Variants in ARHGAP40 observed in about 807,000 individuals in gnomAD.
The protein encoded by ARHGAP40 is Rho GTPase activating protein 40.
Under a neutral mutation model 73.5 loss-of-function variants are expected in ARHGAP40, and 43 were observed. The observed-to-expected ratio is 0.58, with a 90% CI of 0.46 to 0.75. The LOEUF (loss-of-function observed/expected upper bound fraction) is 0.75. Ranked by LOEUF, ARHGAP40 falls within the 30% of genes least tolerant of loss-of-function variation. ARHGAP40 has a pLI of 0.00. For synonymous variants in ARHGAP40, 300 were observed against 352.8 expected (o/e 0.85, Z 1.68); for missense variants, 734 against 861.8 (o/e 0.85, Z 1.86).
In ARHGAP40 at chr20:38,647,083, A is replaced by G. The variant is rs1013365627; in HGVS notation, c.1837A>G (p.Lys613Glu). ...CACAGAGCACCTCAGCCCTGGTTCC[A>G]AGGGTCAAGAAGACAGTGAGGACAT... The change falls in exon 13 of 15, where the codon AAG becomes GAG. Residue 613 changes from lysine (K) to glutamate (E), a missense_variant. Lys to Glu is a moderately conservative substitution (Grantham distance 56). Transcript: ENST00000373345. 4.1e-5 allele frequency: 54 copies of G among 1,305,126 alleles called. No individual in the cohort carries two copies. Among genetic ancestry groups the G allele is most frequent in the Non-Finnish European group, 5.3e-5 (52 of 988,950 alleles). The allele number at this position is 1,305,126 out of a possible 1,614,324, so 80.8% of individuals were successfully genotyped here.
At chr20:38,618,558 G>T (rs1222909480) in intron 1 of ARHGAP40, among the ~76,000 whole-genome samples, 2 of 152,170 alleles carry the variant, frequency 1.3e-5, no homozygotes, top group South Asian at 2.1e-4. Context: ...GATGTCTGGG[G>T]TATCACCTGG....
chr20:38,614,269 T>C (rs2088821262), intron 1 of ARHGAP40, among the ~76,000 whole-genome samples: 1 of 152,222 alleles, frequency 6.6e-6, no homozygotes, highest in South Asian at 2.1e-4. Context: ...CACATGGCTA[T>C]GTACACATTC....
chr20:38,608,026 G>A (rs1020474457), intron 1 of ARHGAP40, among the ~76,000 whole-genome samples: 2 of 151,818 alleles, frequency 1.3e-5, no homozygotes, highest in Non-Finnish European at 2.9e-5. Context: ...CCTCTCAGTT[G>A]AGGAAAAAGG....
chr20:38,627,313 T>C (rs2088904231), intron 3 of ARHGAP40, 98 bp downstream of exon 3: 1 of 1,130,648 alleles, frequency 8.8e-7, no homozygotes, highest in African/African-American at 1.6e-5. Context: ...AAGGGCTGTG[T>C]TGGTGTGTGT....
intron 1 of ARHGAP40, among the ~76,000 whole-genome samples, chr20:38,614,139 A>G (rs937509385): frequency 3.3e-5 from 5 of 152,180 alleles, no homozygotes; most frequent in African/African-American, 4.8e-5. Context: ...TTACACTCAG[A>G]GGGGCACCAT....
intron 1 of ARHGAP40, 56 bp from the exon 2 acceptor site, chr20:38,623,303 C>G (rs755662520): frequency 8.3e-7 from 1 of 1,209,960 alleles, no homozygotes; most frequent in Non-Finnish European, 1.1e-6. Context: ...CTCAGCACAA[C>G]CCCCATCATA....
At chr20:38,611,783 C>T (rs1456092703) in intron 1 of ARHGAP40, among the ~76,000 whole-genome samples, 6 of 151,790 alleles carry the variant, frequency 4.0e-5, no homozygotes, top group Admixed American at 3.9e-4. Context: ...ACTGTGTTAG[C>T]CAGGATGATC....
intron 1 of ARHGAP40, among the ~76,000 whole-genome samples, chr20:38,612,210 A>C (rs2088808543): frequency 6.6e-6 from 1 of 152,238 alleles, no homozygotes; most frequent in African/African-American, 2.4e-5. Context: ...CATTTCCAGC[A>C]ATCTCTGATA....
chr20:38,643,294 G>GTCTCTGCTTCTCCCAGCA (rs2089030508), intron 10 of ARHGAP40, among the ~76,000 whole-genome samples: 1 of 152,194 alleles, frequency 6.6e-6, no homozygotes, highest in African/African-American at 2.4e-5. Context: ...TCTTCTCAGT[G>GTCTCTGCTTCTCCCAGCA]TCTCTGCTTC....
At chr20:38,616,482 G>T (rs1569009063) in intron 1 of ARHGAP40, among the ~76,000 whole-genome samples, 1 of 152,214 alleles carries the variant, frequency 6.6e-6, no homozygotes, top group Non-Finnish European at 1.5e-5. Context: ...ACCACAGGCT[G>T]CATCCAGCCA....
At chr20:38,619,334 G>A (rs1452595169) in intron 1 of ARHGAP40, among the ~76,000 whole-genome samples, 3 of 152,132 alleles carry the variant, frequency 2.0e-5, no homozygotes, top group East Asian at 3.9e-4. Flanking sequence ...GTATCTAGAC[G>A]AAACATGGGA....
chr20:38,630,233 T>A (rs79180110), intron 5 of ARHGAP40, among the ~76,000 whole-genome samples: 94 of 150,222 alleles, frequency 6.3e-4, no homozygotes, highest in Admixed American at 1.1e-3. Context: ...CTTTTTTTTT[T>A]CTTTGAGACA....
At chr20:38,636,937 G>C (rs1258919435) in intron 6 of ARHGAP40, among the ~76,000 whole-genome samples, 2 of 152,154 alleles carry the variant, frequency 1.3e-5, no homozygotes, top group African/African-American at 4.8e-5. Context: ...GGGTAGGCCA[G>C]AGAAGGGAGA....
chr20:38,614,960 G>A (rs892225196), intron 1 of ARHGAP40: 25 of 1,234,916 alleles, frequency 2.0e-5, no homozygotes, highest in Admixed American at 5.0e-5. Context: ...AGGTTTGTGC[G>A]AGTTTGTACG....
intron 5 of ARHGAP40, among the ~76,000 whole-genome samples, chr20:38,631,939 T>A (rs186779252): frequency 1.3e-3 from 204 of 152,236 alleles, no homozygotes; most frequent in African/African-American, 4.8e-3. Flanking sequence ...GTACATCAAA[T>A]AACATTTATA....
At chr20:38,615,658 G>A (rs1461591588) in intron 1 of ARHGAP40, among the ~76,000 whole-genome samples, 2 of 152,120 alleles carry the variant, frequency 1.3e-5, no homozygotes, top group Admixed American at 6.5e-5. Flanking sequence ...CTGGGGGTTG[G>A]AGATAGGGTG....
intron 1 of ARHGAP40, among the ~76,000 whole-genome samples, chr20:38,617,002 G>A (rs1001246441): frequency 1.3e-4 from 20 of 152,286 alleles, no homozygotes; most frequent in African/African-American, 4.3e-4. Flanking sequence ...CTGGAGTGCA[G>A]TGGCACAGTC....
chr20:38,641,350 T>C (rs1416565042), intron 9 of ARHGAP40, among the ~76,000 whole-genome samples: 1 of 151,706 alleles, frequency 6.6e-6, no homozygotes, highest in African/African-American at 2.4e-5. Context: ...ACACAGAGGG[T>C]TTCATGAAAA....
intron 1 of ARHGAP40, among the ~76,000 whole-genome samples, chr20:38,611,165 C>T (rs2088802605): frequency 6.6e-6 from 1 of 152,088 alleles, no homozygotes; most frequent in African/African-American, 2.4e-5. Context: ...GGAGGCAAGG[C>T]GTGAGCCACC....
Sources: allele counts gnomAD v4.1 joint callset (sites outside exome capture counted in the v4.1 genomes callset), GRCh38; gene constraint gnomAD v4.1.1; transcripts MANE v1.5; gene names NCBI Gene and HGNC (gene_info 2026-07-23, HGNC 2026-07-21).